The following A1CF variants were observed in gnomAD, a reference collection of about 807,000 sequenced individuals.
A1CF encodes APOBEC1 complementation factor.
A1CF carries 48 observed loss-of-function variants against 68.9 expected under a neutral mutation model. The ratio of observed to expected loss-of-function variants is 0.70; its 90% CI spans 0.55 to 0.89. The LOEUF (loss-of-function observed/expected upper bound fraction) is 0.89, where lower values mean the gene tolerates loss of function less well. Among genes scored for constraint, A1CF ranks in the 40% least tolerant of loss-of-function variants. The pLI is 0.00. For synonymous variants in A1CF, 272 were observed against 260.4 expected (o/e 1.04, Z -0.43); for missense variants, 653 against 718.9 (o/e 0.91, Z 1.05).
At chr10:50,844,595 G>T (rs954291700) in intron 3 of A1CF, among the ~76,000 whole-genome samples, 3 of 152,076 alleles carry the variant, frequency 2.0e-5, no homozygotes, top group Non-Finnish European at 4.4e-5. Flanking sequence ...TAGAACAATA[G>T]AACTTACTCT....
intron 1 of A1CF, among the ~76,000 whole-genome samples, chr10:50,875,732 G>C (rs139156245): frequency 6.6e-6 from 1 of 152,130 alleles, no homozygotes; most frequent in African/African-American, 2.4e-5. Context: ...CTTACCCTGA[G>C]CTCAGCTAAA....
At chr10:50,852,859 G>A (rs1162640139) in intron 3 of A1CF, among the ~76,000 whole-genome samples, 1 of 152,084 alleles carries the variant, frequency 6.6e-6, no homozygotes, top group Non-Finnish European at 1.5e-5. Flanking sequence ...AATGCCATTT[G>A]AGGAACATTC....
intron 6 of A1CF, among the ~76,000 whole-genome samples, chr10:50,835,115 G>T (rs988881005): frequency 7.9e-5 from 12 of 152,082 alleles, no homozygotes; most frequent in Non-Finnish European, 1.3e-4. Flanking sequence ...TTCTCTAAAA[G>T]ATTCAGCAAC....
rs113774305 is a variant in A1CF, at chr10:50,874,893, T to C, written c.-94+10688A>G. Among the ~76,000 whole-genome samples the C allele has an allele frequency of 7.0e-3, 1,066 of 152,280 alleles. 11 individuals carry two copies. The highest frequency in any genetic ancestry group is 0.024 in the African/African-American group (991 of 41,546). ...GGACTCATGGTAGAATCACCTGTGCTTAGGCATCATCTTACCCTCCCGGAA... is the reference window on the plus strand; with the variant it reads ...GGACTCATGGTAGAATCACCTGTGCCTAGGCATCATCTTACCCTCCCGGAA... On this transcript the variant is annotated intron_variant, in intron 1 of 12. Coordinates refer to ENST00000373997, the MANE Select transcript of A1CF (RefSeq NM_014576.4).
At chr10:50,872,644 G>T (rs756849979) in intron 1 of A1CF, among the ~76,000 whole-genome samples, 2 of 152,142 alleles carry the variant, frequency 1.3e-5, no homozygotes, top group Non-Finnish European at 2.9e-5. Context: ...GGGACACATG[G>T]TCTGGAGCAT....
chr10:50,809,799 A>G, intron 12 of A1CF, 95 bp downstream of exon 12: 1 of 1,536,944 alleles, frequency 6.5e-7, no homozygotes, highest in Non-Finnish European at 8.8e-7. Context: ...TGCTGTAAGT[A>G]GGGTACACAA....
chr10:50,818,811 A>C (rs957530105), intron 8 of A1CF, among the ~76,000 whole-genome samples: 1 of 151,998 alleles, frequency 6.6e-6, no homozygotes, highest in Non-Finnish European at 1.5e-5. Flanking sequence ...GCCCCTGAGG[A>C]GCTAATATGC....
chr10:50,869,893 C>T (rs1322003159), intron 1 of A1CF, among the ~76,000 whole-genome samples: 1 of 151,666 alleles, frequency 6.6e-6, no homozygotes, highest in Admixed American at 6.6e-5. Flanking sequence ...TTTTTAGCTT[C>T]CTATGATATA....
intron 7 of A1CF, 26 bp from the exon 8 acceptor site, chr10:50,820,675 C>G (rs1838609044): frequency 6.3e-7 from 1 of 1,589,742 alleles, no homozygotes; most frequent in East Asian, 2.3e-5. Flanking sequence ...AAGGTTGCCC[C>G]ATTAACAAAA....
At position 50,802,459 on chromosome 10, in the gene A1CF, T is replaced by A. The variant is rs1338721451; in HGVS notation, c.*4270A>T. ...ATATTTATCCAAAGTTTCCTTGTAGTGCTATGTTAGAAACTTAGTTTTATC... is the reference window on the plus strand; with the variant it reads ...ATATTTATCCAAAGTTTCCTTGTAGAGCTATGTTAGAAACTTAGTTTTATC... On this transcript the variant is annotated 3_prime_UTR_variant, in exon 13 of 13. Transcript: ENST00000373997. 1 of 152,310 alleles carries A rather than the reference T, an allele frequency of 6.6e-6. No homozygotes were observed. Among genetic ancestry groups the A allele is most frequent in the East Asian group, 1.9e-4 (1 of 5,188 alleles). 9.4% of individuals were successfully genotyped at this position (152,310 alleles called of 1,614,324 possible).
intron 5 of A1CF, among the ~76,000 whole-genome samples, chr10:50,839,381 C>T (rs1264328971): frequency 6.6e-6 from 1 of 152,194 alleles, no homozygotes; most frequent in African/African-American, 2.4e-5. Context: ...ACTTCCAATT[C>T]TGGAAATCAT....
In A1CF at chr10:50,816,994, G is replaced by A. The variant is rs1340793212; in HGVS notation, c.868-715C>T. Among the ~76,000 whole-genome samples the A allele has an allele frequency of 2.0e-5, 3 of 152,336 alleles. No homozygotes were observed. In the East Asian group the frequency reaches 5.8e-4, roughly 29 times the overall value. On this transcript the variant is annotated intron_variant, in intron 8 of 12. Coordinates refer to ENST00000373997, the MANE Select transcript of A1CF (RefSeq NM_014576.4). ...GGGTCAGGAGTAGTTGGGAGTGAGA[G>A]TAGTATTGAGGTTCTCAGATCATGC...
At chr10:50,865,171 A>C (rs188216150) in intron 1 of A1CF, among the ~76,000 whole-genome samples, 40 of 152,134 alleles carry the variant, frequency 2.6e-4, no homozygotes, top group Non-Finnish European at 4.4e-5. Context: ...TGGGAGGTGG[A>C]TCACCTGAGC....
chr10:50,861,670 T>C (rs1046841625), intron 2 of A1CF, among the ~76,000 whole-genome samples: 2 of 147,994 alleles, frequency 1.4e-5, no homozygotes, highest in African/African-American at 4.9e-5. Flanking sequence ...CTAGTATTAC[T>C]AATAGTAGTA....
chr10:50,852,939 T>G (rs1840315980), intron 3 of A1CF, among the ~76,000 whole-genome samples: 1 of 152,188 alleles, frequency 6.6e-6, no homozygotes, highest in Non-Finnish European at 1.5e-5. Context: ...GGGGCACTCT[T>G]AGAAGAGGAA....
intron 3 of A1CF, among the ~76,000 whole-genome samples, chr10:50,851,985 A>G (rs1301397396): frequency 6.6e-6 from 1 of 152,238 alleles, no homozygotes; most frequent in Non-Finnish European, 1.5e-5. Flanking sequence ...TCTGAAGATG[A>G]AGAGTCACTT....
rs753948066 is a variant in A1CF, at chr10:50,828,250, T to A, written c.650A>T (p.Glu217Val). 5.4e-5 allele frequency: 87 copies of A among 1,606,520 alleles called. No individual in the cohort carries two copies. The highest frequency in any genetic ancestry group is 7.4e-5 in the Non-Finnish European group (87 of 1,174,810). The change falls in exon 7 of 13, where the codon GAG becomes GTG. Residue 217 changes from glutamate (E) to valine (V), a missense_variant. By Grantham distance (121) the Glu-to-Val change is moderately radical. Transcript: ENST00000373997. ...WGHGIAVDWAEPEVEVDEDTM... is the reference protein window; with the variant it reads ...WGHGIAVDWAVPEVEVDEDTM... Reference sequence around the variant, plus strand: ...ATCTTCATCAACTTCTACTTCTGGCTCTGCCCAGTCTACTGCAATACCATG... The same window carrying A: ...ATCTTCATCAACTTCTACTTCTGGCACTGCCCAGTCTACTGCAATACCATG...
chr10:50,828,530 G>A (rs1839080766), intron 6 of A1CF: 1 of 335,558 alleles, frequency 3.0e-6, no homozygotes, highest in African/African-American at 2.1e-5. Flanking sequence ...AGGGAACCAG[G>A]ACGTGGTTTG....
At chr10:50,883,016 C>G (rs1421663270) in intron 1 of A1CF, among the ~76,000 whole-genome samples, 1 of 152,084 alleles carries the variant, frequency 6.6e-6, no homozygotes, top group East Asian at 1.9e-4. Flanking sequence ...AAAATATACT[C>G]TGTGTGTGTG....
Sources: allele counts gnomAD v4.1 joint callset (sites outside exome capture counted in the v4.1 genomes callset), GRCh38; gene constraint gnomAD v4.1.1; transcripts MANE v1.5; gene names NCBI Gene and HGNC (gene_info 2026-07-23, HGNC 2026-07-21).